Variants in PPP1R16B observed in about 807,000 individuals in gnomAD.
PPP1R16B encodes the protein protein phosphatase 1 regulatory subunit 16B.
Under a neutral mutation model 61.7 loss-of-function variants are expected in PPP1R16B, and 14 were observed. The observed-to-expected ratio is 0.23, with a 90% confidence interval of 0.15 to 0.35. The LOEUF is 0.35. PPP1R16B is among the 10% of genes least tolerant of loss of function. The pLI is 1.00. For missense variants in PPP1R16B, 547 were observed against 752.5 expected (o/e 0.73, Z 3.19); for synonymous variants, 266 against 305.3 (o/e 0.87, Z 1.34).
At position 38,884,451 on chromosome 20, in the gene PPP1R16B, T is replaced by C. The variant is rs1007796995; in HGVS notation, c.251-5144T>C. 4.4e-4 allele frequency among the ~76,000 whole-genome samples: 67 copies of C among 152,138 alleles called. 1 individual carries two copies. Among genetic ancestry groups the C allele is most frequent in the African/African-American group, 1.5e-3 (64 of 41,432 alleles). On this transcript the variant is annotated intron_variant, in intron 2 of 10. Coordinates refer to ENST00000299824, the MANE Select transcript of PPP1R16B (RefSeq NM_015568.4). ...ATCGTAGGCCACGTGAGCCATACAG[T>C]CTCTGTTGTACCTACTCAATTCTGC... is the stretch of plus-strand genomic sequence containing the variant.
chr20:38,901,384 G>A (rs368323009), intron 5 of PPP1R16B, among the ~76,000 whole-genome samples: 2 of 152,136 alleles, frequency 1.3e-5, no homozygotes, highest in South Asian at 4.1e-4. Flanking sequence ...TGCCAATCTG[G>A]TGACTCTATG....
Position 38,918,022 on chromosome 20 carries a change from A to T in PPP1R16B, c.1195-135A>T. On this transcript the variant is annotated intron_variant, in intron 10 of 10. Transcript: ENST00000299824. The surrounding 1 kb of genome is among the most constrained non-coding windows in gnomAD (Gnocchi z 5.3). Reference sequence around the variant, plus strand: ...TAGATTGGGGGTTCCCCAAAGGAAAACCCTGGCCCCGATACCCAGGGAGAG... The same window carrying T: ...TAGATTGGGGGTTCCCCAAAGGAAATCCCTGGCCCCGATACCCAGGGAGAG... 1 of 1,233,532 alleles carries T rather than the reference A, an allele frequency of 8.1e-7. No individual in the cohort carries two copies. The highest frequency in any genetic ancestry group is 1.1e-6 in the Non-Finnish European group (1 of 886,572). 76.4% of individuals were successfully genotyped at this position (1,233,532 alleles called of 1,614,324 possible). A position where few individuals can be genotyped will look rare whatever the true frequency, so the allele number is the denominator to read the frequency against.
intron 2 of PPP1R16B, among the ~76,000 whole-genome samples, chr20:38,842,818 T>C (rs1384169358): frequency 8.4e-6 from 1 of 118,860 alleles, no homozygotes; most frequent in Non-Finnish European, 1.7e-5. Flanking sequence ...AAGTTTCTTT[T>C]CTTCTAATTA....
intron 2 of PPP1R16B, among the ~76,000 whole-genome samples, chr20:38,863,394 T>C (rs2085067735): frequency 6.6e-6 from 1 of 152,176 alleles, no homozygotes; most frequent in African/African-American, 2.4e-5. Context: ...GCTGAGCCCC[T>C]GCAGAGCCCA....
At chr20:38,869,903 C>A (rs2085115208) in intron 2 of PPP1R16B, among the ~76,000 whole-genome samples, 2 of 151,764 alleles carry the variant, frequency 1.3e-5, no homozygotes, top group Non-Finnish European at 2.9e-5. Flanking sequence ...GCCTTCACTG[C>A]AGAGCAAAAA....
Position 38,835,893 on chromosome 20 carries a change from C to T in PPP1R16B, c.-33C>T. ...CCTGGCCCCCGGTGCACCGTGCTAG[C>T]CCCCAGCCAGGGCGTTGGGGAGGGC... On this transcript the variant is annotated 5_prime_UTR_variant, in exon 2 of 11. Coordinates refer to ENST00000299824, the MANE Select transcript of PPP1R16B (RefSeq NM_015568.4). 6.6e-7 allele frequency: 1 copy of T among 1,514,404 alleles called. No homozygotes were observed. The allele number at this position is 1,514,404 out of a possible 1,614,324, so 93.8% of individuals were successfully genotyped here. A position where few individuals can be genotyped will look rare whatever the true frequency, so the allele number is the denominator to read the frequency against.
chr20:38,846,242 T>C (rs975261173), intron 2 of PPP1R16B, among the ~76,000 whole-genome samples: 1 of 152,318 alleles, frequency 6.6e-6, no homozygotes, highest in Non-Finnish European at 1.5e-5. Context: ...GGGATGGTTA[T>C]AATACTTGGG....
intron 2 of PPP1R16B, among the ~76,000 whole-genome samples, chr20:38,855,907 CATAT>C (rs371138532): frequency 0.037 from 658 of 17,752 alleles, 29 homozygotes; most frequent in Non-Finnish European, 0.047. Context: ...CAGTTTCCTA[CATAT>C]ATATATATAT....
intron 2 of PPP1R16B, among the ~76,000 whole-genome samples, chr20:38,840,255 T>TG (rs1340345896): frequency 2.6e-5 from 4 of 152,156 alleles, no homozygotes; most frequent in Non-Finnish European, 5.9e-5. Context: ...CACAGTGGCG[T>TG]GGGAGCGTGG....
chr20:38,875,844 C>T lies in PPP1R16B; in HGVS notation c.251-13751C>T, dbSNP rs79419441. 1.5e-3 allele frequency among the ~76,000 whole-genome samples: 227 copies of T among 152,008 alleles called. 3 individuals are homozygous for T. In the East Asian group the frequency reaches 0.028, roughly 19 times the overall value. On this transcript the variant is annotated intron_variant, in intron 2 of 10. Coordinates refer to ENST00000299824, the MANE Select transcript of PPP1R16B (RefSeq NM_015568.4). ...TCTTGACAGGTGAAGGAACTGGGCC[C>T]GATCTGTCTGTTCCCTTCCTGGCCA... is the stretch of plus-strand genomic sequence containing the variant.
chr20:38,823,076 C>A (rs1279657391), intron 1 of PPP1R16B, among the ~76,000 whole-genome samples: 1 of 152,148 alleles, frequency 6.6e-6, no homozygotes, highest in Admixed American at 6.5e-5. Flanking sequence ...AGTGGAGGAA[C>A]TTTGGCTGGA....
intron 4 of PPP1R16B, among the ~76,000 whole-genome samples, chr20:38,900,072 G>T (rs1208501289): frequency 6.6e-6 from 1 of 152,148 alleles, no homozygotes; most frequent in Admixed American, 6.5e-5. Flanking sequence ...GGGATTACAG[G>T]CTTGAGCCAC....
chr20:38,907,005 C>G lies in PPP1R16B; in HGVS notation c.849C>G (p.Ser283=), dbSNP rs757265191. 1.2e-6 allele frequency: 2 copies of G among 1,613,910 alleles called. No individual in the cohort carries two copies. The highest frequency in any genetic ancestry group is 2.2e-5 in the South Asian group (2 of 91,062). ...TGCAGATGGCAGAGCTATTGGTGTC[C>G]CATGGAGCTAGTCTCAGTGCAAGGA... ...GQMQMAELLV[S]HGASLSARTS... is the part of the protein sequence containing the mutation. The change falls in exon 8 of 11, where the codon TCC becomes TCG. Residue 283 remains serine (S), a synonymous_variant. Coordinates refer to ENST00000299824, the MANE Select transcript of PPP1R16B (RefSeq NM_015568.4). The surrounding 1 kb of genome is among the most constrained non-coding windows in gnomAD (Gnocchi z 4.5).
At chr20:38,833,917 C>T (rs2145718636) in intron 1 of PPP1R16B, among the ~76,000 whole-genome samples, 1 of 152,296 alleles carries the variant, frequency 6.6e-6, no homozygotes, top group East Asian at 1.9e-4. Flanking sequence ...TTTGGAGGGG[C>T]GGGTGACGCA....
intron 2 of PPP1R16B, among the ~76,000 whole-genome samples, chr20:38,843,835 A>C (rs34431148): frequency 0.65 from 98,580 of 152,054 alleles, 32,213 homozygotes; most frequent in African/African-American, 0.71. Context: ...GATCTGGCTT[A>C]ATGGAAGACA....
intron 2 of PPP1R16B, among the ~76,000 whole-genome samples, chr20:38,881,518 G>A (rs886460787): frequency 2.0e-5 from 3 of 152,156 alleles, no homozygotes; most frequent in South Asian, 2.1e-4. Context: ...CCCAGTGGGC[G>A]GGATGTGGCG....
intron 1 of PPP1R16B, among the ~76,000 whole-genome samples, chr20:38,809,879 G>T (rs1239598978): frequency 6.6e-6 from 1 of 151,112 alleles, no homozygotes; most frequent in Non-Finnish European, 1.5e-5. Context: ...TACTTGGAAG[G>T]CTGAGGTGGG....
chr20:38,833,362 A>G (rs2084849701), intron 1 of PPP1R16B, among the ~76,000 whole-genome samples: 1 of 152,240 alleles, frequency 6.6e-6, no homozygotes, highest in South Asian at 2.1e-4. Flanking sequence ...CTGAGGTGGT[A>G]GATACATTGA....
intron 1 of PPP1R16B, among the ~76,000 whole-genome samples, chr20:38,817,019 C>T (rs575517346): frequency 1.3e-5 from 2 of 152,344 alleles, no homozygotes; most frequent in South Asian, 4.1e-4. Context: ...TGGCCAGCCT[C>T]CTGTCCACCC....
Sources: allele counts gnomAD v4.1 joint callset (sites outside exome capture counted in the v4.1 genomes callset), GRCh38; gene constraint gnomAD v4.1.1; non-coding constraint Gnocchi (gnomAD v3.1); transcripts MANE v1.5; gene names NCBI Gene and HGNC (gene_info 2026-07-23, HGNC 2026-07-21).